The following DDX4 variants were observed in gnomAD, a reference collection of about 807,000 sequenced individuals.
The protein encoded by DDX4 is DEAD-box helicase 4.
Under a neutral mutation model 100.0 loss-of-function variants are expected in DDX4, and 25 were observed. The observed-to-expected ratio is 0.25, with a 90% CI of 0.18 to 0.35. The LOEUF is 0.35. Ranked by LOEUF, DDX4 falls within the 10% of genes least tolerant of loss-of-function variation. The pLI, the probability that DDX4 is intolerant of heterozygous loss-of-function variation, is 1.00. For missense variants in DDX4, 635 were observed against 882.4 expected (o/e 0.72, Z 3.55); for synonymous variants, 259 against 275.7 (o/e 0.94, Z 0.60).
chr5:55,809,644 G>A (rs1309976173), intron 18 of DDX4, among the ~76,000 whole-genome samples: 1 of 152,212 alleles, frequency 6.6e-6, no homozygotes, highest in African/African-American at 2.4e-5. Flanking sequence ...GTCATAAAGT[G>A]TCAGTTTGTT....
At chr5:55,741,779 ACT>A (rs1400841405) in intron 2 of DDX4, among the ~76,000 whole-genome samples, 1 of 151,000 alleles carries the variant, frequency 6.6e-6, no homozygotes, top group Non-Finnish European at 1.5e-5. Context: ...ATGGAGCAAG[ACT>A]CTGTCTGAAA....
chr5:55,746,226 G>A lies in DDX4; in HGVS notation c.127+5G>A. Reference sequence around the variant, plus strand: ...GGACTCCAGCTTCATCATCAGGTATGTGTTATGGGAAAAAGGTAAAACCCT... The same window carrying A: ...GGACTCCAGCTTCATCATCAGGTATATGTTATGGGAAAAAGGTAAAACCCT... On this transcript the variant is annotated splice_donor_5th_base_variant and intron_variant, in intron 3 of 21. Coordinates refer to ENST00000505374, the MANE Select transcript of DDX4 (RefSeq NM_024415.3). 1.9e-6 allele frequency: 3 copies of A among 1,609,474 alleles called. No homozygotes were observed. The highest frequency in any genetic ancestry group is 1.1e-5 in the South Asian group (1 of 89,712).
chr5:55,797,946 T>C (rs1161594631), intron 17 of DDX4, among the ~76,000 whole-genome samples: 1 of 152,244 alleles, frequency 6.6e-6, no homozygotes, highest in Admixed American at 6.5e-5. Flanking sequence ...AGATCTGGTT[T>C]GCTTGAAATC....
intron 3 of DDX4, among the ~76,000 whole-genome samples, chr5:55,748,686 C>A (rs904267630): frequency 4.0e-5 from 6 of 151,394 alleles, no homozygotes; most frequent in Non-Finnish European, 8.8e-5. Flanking sequence ...TAAACCAGGA[C>A]AGTGAATGTA....
chr5:55,756,537 C>T (rs1182400309), intron 3 of DDX4, among the ~76,000 whole-genome samples: 1 of 152,128 alleles, frequency 6.6e-6, no homozygotes, highest in Admixed American at 6.6e-5. Flanking sequence ...CTGGTTTAGG[C>T]AAATCACTGT....
intron 7 of DDX4, among the ~76,000 whole-genome samples, chr5:55,769,823 G>C (rs1480227652): frequency 1.3e-5 from 2 of 151,526 alleles, no homozygotes; most frequent in African/African-American, 4.8e-5. Context: ...CAGATACCTA[G>C]ACCAGTGGAA....
At chr5:55,799,189 T>A (rs1005711386) in intron 18 of DDX4, among the ~76,000 whole-genome samples, 17 of 152,096 alleles carry the variant, frequency 1.1e-4, no homozygotes, top group Admixed American at 8.5e-4. Flanking sequence ...CACCTCAGCT[T>A]CCCAAGTAGC....
chr5:55,792,510 C>A, intron 16 of DDX4, 131 bp from the exon 17 acceptor site: 1 of 424,264 alleles, frequency 2.4e-6, no homozygotes, highest in Non-Finnish European at 3.8e-6. Context: ...CAGGCGTCCG[C>A]CAACACGCCT....
intron 17 of DDX4, among the ~76,000 whole-genome samples, chr5:55,797,960 C>T (rs1743067097): frequency 6.6e-6 from 1 of 152,284 alleles, no homozygotes; most frequent in African/African-American, 2.4e-5. Context: ...TGAAATCATT[C>T]ATTTGAAGTA....
chr5:55,748,885 C>A (rs1320394639), intron 3 of DDX4, among the ~76,000 whole-genome samples: 1 of 152,062 alleles, frequency 6.6e-6, no homozygotes, highest in Non-Finnish European at 1.5e-5. Context: ...ACATATGTTC[C>A]TTTTTTATAA....
At chr5:55,766,068 C>T (rs540443680) in intron 6 of DDX4, among the ~76,000 whole-genome samples, 9 of 151,322 alleles carry the variant, frequency 5.9e-5, no homozygotes, top group East Asian at 5.8e-4. Flanking sequence ...CTGCCTGCCT[C>T]GGCCTCCCAC....
intron 6 of DDX4, among the ~76,000 whole-genome samples, chr5:55,766,559 A>G (rs1377372345): frequency 6.6e-6 from 1 of 151,866 alleles, no homozygotes; most frequent in African/African-American, 2.4e-5. Context: ...CCTGCCTTCC[A>G]GAAAGTTGTC....
At chr5:55,794,894 T>C (rs1458025736) in intron 17 of DDX4, among the ~76,000 whole-genome samples, 2 of 152,146 alleles carry the variant, frequency 1.3e-5, no homozygotes, top group Admixed American at 1.3e-4. Context: ...TTCCCTTGGC[T>C]TCTACTTATA....
chr5:55,797,764 TAGTG>T (rs1297239852), intron 17 of DDX4, among the ~76,000 whole-genome samples: 1 of 152,218 alleles, frequency 6.6e-6, no homozygotes, highest in Non-Finnish European at 1.5e-5. Context: ...TTGCAGCTGA[TAGTG>T]AGTTAACTGT....
At chr5:55,767,783 T>G in intron 6 of DDX4, 98 bp from the exon 7 acceptor site, 2 of 774,772 alleles carry the variant, frequency 2.6e-6, no homozygotes, top group Non-Finnish European at 4.1e-6. Context: ...GAAAATATTT[T>G]GTCTTCTTAC....
chr5:55,745,086 GT>G (rs1177729625), intron 2 of DDX4, among the ~76,000 whole-genome samples: 1 of 152,048 alleles, frequency 6.6e-6, no homozygotes, highest in Non-Finnish European at 1.5e-5. Flanking sequence ...CTCCATGTTG[GT>G]CAGGCTGGTC....
intron 16 of DDX4, 115 bp downstream of exon 16, chr5:55,790,820 C>A: frequency 2.3e-6 from 2 of 860,070 alleles, no homozygotes; most frequent in Non-Finnish European, 3.7e-6. Flanking sequence ...TATGTGTTAG[C>A]CTCCATCACA....
At chr5:55,812,103 A>G (rs572285175) in intron 18 of DDX4, among the ~76,000 whole-genome samples, 1 of 152,280 alleles carries the variant, frequency 6.6e-6, no homozygotes, top group East Asian at 1.9e-4. Flanking sequence ...CGTTTTTTCA[A>G]AAGTTTAATA....
chr5:55,758,868 T>TA (rs35392036), intron 3 of DDX4, among the ~76,000 whole-genome samples: 1,158 of 70,200 alleles, frequency 0.016, 24 homozygotes, highest in Non-Finnish European at 0.024. Flanking sequence ...TTTGTTTCCT[T>TA]AAAAAAAAAA....
Sources: allele counts gnomAD v4.1 joint callset (sites outside exome capture counted in the v4.1 genomes callset), GRCh38; gene constraint gnomAD v4.1.1; transcripts MANE v1.5; gene names NCBI Gene and HGNC (gene_info 2026-07-23, HGNC 2026-07-21).